The following RFC1 variants were observed in gnomAD, a reference collection of about 807,000 sequenced individuals.
The protein encoded by RFC1 is A1 140 kDa subunit.
In RFC1, 37 loss-of-function variants were observed where a neutral mutation model predicts 137.4. The observed-to-expected ratio is 0.27, with a 90% CI of 0.21 to 0.35. RFC1 has a LOEUF of 0.35. Among genes scored for constraint, RFC1 ranks in the 10% least tolerant of loss-of-function variants. The pLI, the probability that RFC1 is intolerant of heterozygous loss-of-function variation, is 1.00. For missense variants in RFC1, 1,205 were observed against 1,358.5 expected, an observed-to-expected ratio of 0.89 and a Z score of 1.78; for synonymous variants, 429 against 455.7, an observed-to-expected ratio of 0.94 and a Z score of 0.75.
intron 4 of RFC1, among the ~76,000 whole-genome samples, chr4:39,334,871 T>C (rs141373832): frequency 2.0e-4 from 30 of 152,306 alleles, no homozygotes; most frequent in Non-Finnish European, 3.1e-4. Flanking sequence ...AGCAGAGGAA[T>C]TGCCTGGGAG....
chr4:39,350,887 A>G (rs1741149209), intron 2 of RFC1, among the ~76,000 whole-genome samples: 1 of 152,220 alleles, frequency 6.6e-6, no homozygotes, highest in Admixed American at 6.5e-5. Flanking sequence ...ATCTATTTAA[A>G]GTAAAATTAC....
chr4:39,351,503 GA>G (rs751178563), intron 1 of RFC1, 27 bp from the exon 2 acceptor site: 4 of 1,505,906 alleles, frequency 2.7e-6, no homozygotes, highest in East Asian at 5.0e-5. Flanking sequence ...GGAGATTCAC[GA>G]ATAAACATTA....
At chr4:39,311,850 G>A (rs4975003) in intron 11 of RFC1, among the ~76,000 whole-genome samples, 17 of 151,964 alleles carry the variant, frequency 1.1e-4, no homozygotes, top group Non-Finnish European at 2.2e-4. Context: ...ATGGCCACTA[G>A]GGCCTAAGAC....
rs1737500288 is a variant in RFC1, at chr4:39,288,681, A to T, written c.*80T>A. 3 of 894,854 alleles carry T rather than the reference A, an allele frequency of 3.4e-6. No homozygotes were observed. The highest frequency in any genetic ancestry group is 2.2e-4 in the Middle Eastern group (1 of 4,530). The allele number at this position is 894,854 out of a possible 1,614,324, so 55.4% of individuals were successfully genotyped here. ...TATGCTAAAACATGGTTGCTCTGGGAAAAAACAAGGCTTTCTCTAGACCAG... is the reference window on the plus strand; with the variant it reads ...TATGCTAAAACATGGTTGCTCTGGGTAAAAACAAGGCTTTCTCTAGACCAG... On this transcript the variant is annotated 3_prime_UTR_variant, in exon 25 of 25. Transcript: ENST00000349703.
intron 2 of RFC1, among the ~76,000 whole-genome samples, chr4:39,345,783 C>A (rs1310044177): frequency 1.3e-5 from 2 of 152,130 alleles, no homozygotes; most frequent in African/African-American, 4.8e-5. Flanking sequence ...TCCCCGCCCC[C>A]CAGAAGGCAT....
At chr4:39,351,959 T>A (rs1202293678) in intron 1 of RFC1, among the ~76,000 whole-genome samples, 1 of 133,702 alleles carries the variant, frequency 7.5e-6, no homozygotes, top group Non-Finnish European at 1.5e-5. Context: ...AAAGCAAGAC[T>A]CCGTCTCAAA....
intron 1 of RFC1, among the ~76,000 whole-genome samples, chr4:39,365,905 C>G (rs757261270): frequency 7.2e-5 from 11 of 152,182 alleles, no homozygotes; most frequent in Non-Finnish European, 1.6e-4. Flanking sequence ...CGGGCAACGC[C>G]GAACAAGAAA....
At chr4:39,310,672 C>T (rs1289043686) in intron 12 of RFC1, among the ~76,000 whole-genome samples, 3 of 152,140 alleles carry the variant, frequency 2.0e-5, no homozygotes, top group African/African-American at 7.2e-5. Context: ...CCCTCCCTGC[C>T]CATAGTTTAG....
chr4:39,310,360 G>C (rs998477582), intron 12 of RFC1, among the ~76,000 whole-genome samples: 7 of 152,182 alleles, frequency 4.6e-5, no homozygotes, highest in Admixed American at 3.9e-4. Context: ...ATATGTACAG[G>C]TTAGTTAACA....
chr4:39,296,238 CT>C (rs1254857918), intron 21 of RFC1, among the ~76,000 whole-genome samples: 67 of 116,492 alleles, frequency 5.8e-4, no homozygotes, highest in African/African-American at 1.3e-3. Context: ...TTTTCACTTT[CT>C]TTTTTTTTTT....
At chr4:39,343,878 G>A (rs979733925) in intron 3 of RFC1, among the ~76,000 whole-genome samples, 5 of 152,180 alleles carry the variant, frequency 3.3e-5, no homozygotes, top group East Asian at 1.9e-4. Flanking sequence ...TTGGGAGGCC[G>A]AGGCAGGCAA....
intron 4 of RFC1, among the ~76,000 whole-genome samples, chr4:39,332,937 G>A (rs1740175928): frequency 6.6e-6 from 1 of 152,234 alleles, no homozygotes; most frequent in African/African-American, 2.4e-5. Flanking sequence ...GGGCAAAAGA[G>A]CAAGACCCCA....
chr4:39,302,306 G>A lies in RFC1; in HGVS notation c.2507C>T (p.Ser836Phe). Residue 836 changes from serine (S) to phenylalanine (F), a missense_variant, in exon 19 of 25, where the codon TCT (serine) becomes TTT (phenylalanine). By Grantham distance (155) the Ser-to-Phe change is radical. Coordinates refer to ENST00000349703, the MANE Select transcript of RFC1 (RefSeq NM_002913.5). ...ALTYDQAKAD[S>F]HRAKKDIKMG... ...TTTGATATCCTTTTTGGCTCTGTGAGAATCAGCTTTGGCCTGGTCATAGGT... is the reference window on the plus strand; with the variant it reads ...TTTGATATCCTTTTTGGCTCTGTGAAAATCAGCTTTGGCCTGGTCATAGGT... 1.2e-6 allele frequency: 2 copies of A among 1,612,206 alleles called. No individual in the cohort carries two copies. Among genetic ancestry groups the A allele is most frequent in the East Asian group, 4.5e-5 (2 of 44,840 alleles).
At chr4:39,345,949 T>C (rs1266567511) in intron 2 of RFC1, among the ~76,000 whole-genome samples, 1 of 152,194 alleles carries the variant, frequency 6.6e-6, no homozygotes, top group Non-Finnish European at 1.5e-5. Context: ...GTCAGTAATA[T>C]ACCCTTATTG....
chr4:39,315,392 T>TCTAC (rs1391746480), intron 10 of RFC1, among the ~76,000 whole-genome samples: 26 of 152,376 alleles, frequency 1.7e-4, no homozygotes, highest in African/African-American at 6.3e-4. Flanking sequence ...TCCACCCTCT[T>TCTAC]CTACTTCACA....
At chr4:39,351,116 T>A (rs1481101990) in intron 2 of RFC1, among the ~76,000 whole-genome samples, 1 of 151,846 alleles carries the variant, frequency 6.6e-6, no homozygotes, top group African/African-American at 2.4e-5. Flanking sequence ...CTGGGTGTGG[T>A]GGCGGGCGCC....
At chr4:39,321,568 G>A in intron 7 of RFC1, 194 bp from the exon 8 acceptor site, 27 of 519,610 alleles carry the variant, frequency 5.2e-5, no homozygotes, top group South Asian at 1.9e-4. Context: ...TTACAAATGA[G>A]GAAACAGATG....
intron 4 of RFC1, among the ~76,000 whole-genome samples, chr4:39,336,065 A>C (rs1740337504): frequency 6.6e-6 from 1 of 152,198 alleles, no homozygotes; most frequent in African/African-American, 2.4e-5. Flanking sequence ...CTCATTATTT[A>C]CTGTGCCCTT....
chr4:39,312,988 C>T, intron 10 of RFC1, 57 bp from the exon 11 acceptor site: 1 of 1,411,710 alleles, frequency 7.1e-7, no homozygotes, highest in Non-Finnish European at 9.7e-7. Context: ...TCCAAAGAAA[C>T]ATTTGGCATC....
Sources: gnomAD v4.1 joint callset for allele counts (sites outside exome capture counted in the v4.1 genomes callset) on GRCh38, gnomAD v4.1.1 for gene constraint, MANE v1.5 for transcripts, NCBI Gene and HGNC (gene_info 2026-07-23, HGNC 2026-07-21) for gene names.